The following FNDC3B variants were observed in gnomAD, a reference collection of about 807,000 sequenced individuals.
FNDC3B encodes the protein fibronectin type III domain-containing protein 3B.
FNDC3B carries 12 observed loss-of-function variants against 151.5 expected under a neutral mutation model. That is an observed-to-expected ratio of 0.08 (90% CI 0.05 to 0.13). FNDC3B has a LOEUF of 0.13. Ranked by LOEUF, FNDC3B falls within the 10% of genes least tolerant of loss-of-function variation. The probability of loss-of-function intolerance (pLI) is 1.00; values close to 1 mark genes in which losing one functional copy is unlikely to be tolerated. For missense variants in FNDC3B, 1,214 were observed against 1,505.3 expected (o/e 0.81, Z 3.20); for synonymous variants, 528 against 549.0 (o/e 0.96, Z 0.54).
rs1414255827 is a variant in FNDC3B at position 172,343,029 on chromosome 3, G to A, written c.1990G>A (p.Val664Ile). 1 of 1,611,530 alleles carries A rather than the reference G, an allele frequency of 6.2e-7. No homozygotes were observed. Among genetic ancestry groups the A allele is most frequent in the African/African-American group, 1.3e-5 (1 of 74,844 alleles). The change falls in exon 18 of 26, where the codon GTT (valine) becomes ATT (isoleucine). Residue 664 changes from valine to isoleucine, a missense_variant. By Grantham distance (29) the Val-to-Ile change is conservative. Around this residue, in one of 7 missense-constraint regions of FNDC3B, gnomAD observed 380 missense variants for 420.9 expected, o/e 0.90. Transcript: ENST00000415807. ...CCTGCAGTGTTCTGAAAGTCTCCCT[G>A]TTCGCACACTAAGCATTGCACCAGG... ...GHSQCSESLP[V>I]RTLSIAPGQC... is the part of the protein sequence containing the mutation.
Position 172,226,954 on chromosome 3 carries a change from CA to C in FNDC3B, c.264+8del. On this transcript the variant is annotated splice_region_variant and intron_variant, in intron 4 of 25. Coordinates refer to ENST00000415807, the MANE Select transcript of FNDC3B (RefSeq NM_022763.4). ...TCCAGGTTATATCTCACAGGTAATC[CA>C]TTTGATGGACTTCTCTACTCACTAT... is the stretch of plus-strand genomic sequence containing the variant. 6.4e-7 allele frequency: 1 copy of C among 1,566,904 alleles called. No homozygotes were observed. The highest frequency in any genetic ancestry group is 8.8e-7 in the Non-Finnish European group (1 of 1,137,130).
intron 3 of FNDC3B, among the ~76,000 whole-genome samples, chr3:172,201,015 TAG>T (rs1344625252): frequency 5.3e-5 from 8 of 152,362 alleles, no homozygotes; most frequent in Admixed American, 5.2e-4. Context: ...GGCAGAAAGC[TAG>T]AGTTTGAATA....
intron 1 of FNDC3B, among the ~76,000 whole-genome samples, chr3:172,041,386 T>TC: frequency 7.1e-6 from 1 of 140,164 alleles, no homozygotes; most frequent in Non-Finnish European, 1.6e-5. Flanking sequence ...TTTCTTTCTT[T>TC]TTCTTTCTTT....
intron 6 of FNDC3B, among the ~76,000 whole-genome samples, chr3:172,265,636 T>G (rs1007409050): frequency 3.3e-5 from 5 of 152,196 alleles, no homozygotes; most frequent in African/African-American, 9.6e-5. Flanking sequence ...TATACTTTAT[T>G]TAGGTAGTAG....
At position 172,213,261 on chromosome 3, in the gene FNDC3B, C is replaced by G. The variant is rs371264353; in HGVS notation, c.188-13610C>G. On this transcript the variant is annotated intron_variant, in intron 3 of 25. Coordinates refer to ENST00000415807, the MANE Select transcript of FNDC3B (RefSeq NM_022763.4). ...TCAAATACTTTGACAGTGTTTTACT[C>G]ATCTAAAAGTGAATGTGATCCCTAG... Among the ~76,000 whole-genome samples, 38 of 152,292 alleles carry G rather than the reference C, an allele frequency of 2.5e-4. 1 individual carries two copies. The East Asian group carries it at 2.9e-3, about 12-fold the overall frequency.
At chr3:172,062,001 G>C (rs773524252) in intron 1 of FNDC3B, among the ~76,000 whole-genome samples, 3 of 152,154 alleles carry the variant, frequency 2.0e-5, no homozygotes, top group Admixed American at 6.5e-5. Flanking sequence ...ATGACTTTCT[G>C]TTTAGGGATA....
intron 3 of FNDC3B, among the ~76,000 whole-genome samples, chr3:172,150,854 T>G (rs1416917499): frequency 1.3e-5 from 2 of 152,158 alleles, no homozygotes. Flanking sequence ...CGCTCAAGTG[T>G]TTATCCTTCA....
chr3:172,286,655 T>C (rs1266921847), intron 7 of FNDC3B, among the ~76,000 whole-genome samples: 1 of 152,172 alleles, frequency 6.6e-6, no homozygotes, highest in African/African-American at 2.4e-5. Flanking sequence ...ATAGTTGAAT[T>C]TGACAACCTA....
At chr3:172,158,087 G>A (rs1003242784) in intron 3 of FNDC3B, among the ~76,000 whole-genome samples, 3 of 152,132 alleles carry the variant, frequency 2.0e-5, no homozygotes, top group African/African-American at 7.2e-5. Context: ...GAATCTGCTG[G>A]TGCCTTGATC....
At chr3:172,312,829 C>T (rs955812858) in intron 11 of FNDC3B, among the ~76,000 whole-genome samples, 1 of 152,166 alleles carries the variant, frequency 6.6e-6, no homozygotes, top group Non-Finnish European at 1.5e-5. Context: ...TGCTCAGTTC[C>T]TCATCCCTTC....
chr3:172,343,683 C>A (rs139504411), intron 18 of FNDC3B, among the ~76,000 whole-genome samples: 2 of 152,120 alleles, frequency 1.3e-5, no homozygotes, highest in African/African-American at 2.4e-5. Flanking sequence ...TTTTTCCTAC[C>A]ACTTATGTCT....
rs1461564553 is a variant in FNDC3B, at chr3:172,400,598, G to A, written c.*3123G>A. The A allele has an allele frequency of 1.3e-5, 2 of 152,484 alleles. No individual in the cohort carries two copies. Among genetic ancestry groups the A allele is most frequent in the Admixed American group, 6.6e-5 (1 of 15,264 alleles). 9.4% of individuals were successfully genotyped at this position (152,484 alleles called of 1,614,324 possible). On this transcript the variant is annotated 3_prime_UTR_variant, in exon 26 of 26. Coordinates refer to ENST00000415807, the MANE Select transcript of FNDC3B (RefSeq NM_022763.4). ...TTAAAACTGCCATATCAATTTTAAT[G>A]TATAGATTTTGCAAATATTATGCTA...
At chr3:172,295,735 A>C (rs1189665377) in intron 8 of FNDC3B, among the ~76,000 whole-genome samples, 1 of 152,190 alleles carries the variant, frequency 6.6e-6, no homozygotes, top group Non-Finnish European at 1.5e-5. Flanking sequence ...GTAATACATC[A>C]CTTGGTTATA....
chr3:172,135,536 C>T (rs556506946), intron 3 of FNDC3B, among the ~76,000 whole-genome samples: 1 of 152,160 alleles, frequency 6.6e-6, no homozygotes, highest in African/African-American at 2.4e-5. Flanking sequence ...TCCCTCCAGG[C>T]TTCCTATTCT....
intron 23 of FNDC3B, among the ~76,000 whole-genome samples, chr3:172,377,186 A>C (rs571118269): frequency 6.6e-6 from 1 of 152,378 alleles, no homozygotes; most frequent in East Asian, 1.9e-4. Context: ...GCCAACTTCC[A>C]GTATCTGAAG....
At position 172,227,189 on chromosome 3, in the gene FNDC3B, A is replaced by G. The variant is rs537821796; in HGVS notation, c.264+242A>G. The G allele has an allele frequency of 4.9e-5, 18 of 369,502 alleles. No individual in the cohort carries two copies. In the East Asian group the frequency reaches 5.1e-4, roughly 11 times the overall value. The allele number at this position is 369,502 out of a possible 1,614,324, so 22.9% of individuals were successfully genotyped here. A position where few individuals can be genotyped will look rare whatever the true frequency, so the allele number is the denominator to read the frequency against. On this transcript the variant is annotated intron_variant, in intron 4 of 25. Transcript: ENST00000415807. ...GTCCTCTGCCAAGTGGGGTTTTTAT[A>G]TTTGATTGTTTGGTTGTGATTTCTT...
chr3:172,297,439 CTT>C (rs1181345749), intron 8 of FNDC3B, among the ~76,000 whole-genome samples: 3 of 152,168 alleles, frequency 2.0e-5, no homozygotes, highest in African/African-American at 4.8e-5. Flanking sequence ...ACTCCTTCCT[CTT>C]TTCCTCTTTC....
At chr3:172,119,086 C>T (rs1447192965) in intron 2 of FNDC3B, among the ~76,000 whole-genome samples, 2 of 146,268 alleles carry the variant, frequency 1.4e-5, no homozygotes, top group South Asian at 2.2e-4. Context: ...AGGAGAATGG[C>T]GTGAACCTGG....
chr3:172,238,218 A>T (rs981130567), intron 4 of FNDC3B, among the ~76,000 whole-genome samples: 1 of 152,138 alleles, frequency 6.6e-6, no homozygotes, highest in Non-Finnish European at 1.5e-5. Flanking sequence ...TTGCTCTGTC[A>T]CCCAGGTGGA....
Sources: gnomAD v4.1 joint callset for allele counts (sites outside exome capture counted in the v4.1 genomes callset) on GRCh38, gnomAD v4.1.1 for gene constraint, gnomAD v4.1.1 regional missense constraint, MANE v1.5 for transcripts, NCBI Gene and HGNC (gene_info 2026-07-23, HGNC 2026-07-21) for gene names.